Variants in APIP observed in about 807,000 individuals in gnomAD.
APIP encodes the protein methylthioribulose-1-phosphate dehydratase.
A neutral mutation model predicts 32.0 loss-of-function variants in APIP; 32 were observed. The ratio of observed to expected loss-of-function variants is 1.00; its 90% CI spans 0.76 to 1.34. APIP has a LOEUF of 1.34. Ranked by LOEUF, APIP falls within the 40% of genes most tolerant of loss-of-function variation. The pLI, the probability that APIP is intolerant of heterozygous loss-of-function variation, is 0.00. For missense variants in APIP, 247 were observed against 298.6 expected (o/e 0.83, Z 1.27); for synonymous variants, 92 against 94.8 (o/e 0.97, Z 0.17).
chr11:34,912,540 G>C (rs1011132663), intron 1 of APIP, among the ~76,000 whole-genome samples: 2 of 152,178 alleles, frequency 1.3e-5, no homozygotes, highest in African/African-American at 4.8e-5. Flanking sequence ...GCTGCCAAAG[G>C]AGGATTAACA....
At chr11:34,916,201 A>G in intron 1 of APIP, 27 bp downstream of exon 1, 1 of 1,602,642 alleles carries the variant, frequency 6.2e-7, no homozygotes, top group Non-Finnish European at 8.5e-7. Flanking sequence ...TCCTGGGAAT[A>G]CCGGGCACCG....
At chr11:34,911,607 T>C (rs558643790) in intron 1 of APIP, among the ~76,000 whole-genome samples, 1 of 152,354 alleles carries the variant, frequency 6.6e-6, no homozygotes, top group South Asian at 2.1e-4. Flanking sequence ...AGAGATTTCA[T>C]ATAAAATCTG....
chr11:34,910,265 C>T (rs775881846), intron 1 of APIP, among the ~76,000 whole-genome samples: 9 of 152,210 alleles, frequency 5.9e-5, no homozygotes, highest in South Asian at 2.1e-4. Flanking sequence ...AGGTCAACCA[C>T]GACCTTAAGT....
At chr11:34,908,440 C>T (rs1276575685) in intron 1 of APIP, among the ~76,000 whole-genome samples, 1 of 152,222 alleles carries the variant, frequency 6.6e-6, no homozygotes, top group African/African-American at 2.4e-5. Context: ...TCGTTTCATT[C>T]TGCACACTTG....
At position 34,888,440 on chromosome 11, in the gene APIP, A is replaced by C. The variant is rs992408482; in HGVS notation, c.326-12T>G. ...CACTGCACCTGCTCCTGAAGGAGGA[A>C]GAAGAAAGCCGCATGCTCAATGAAG... is the stretch of plus-strand genomic sequence containing the variant. On this transcript the variant is annotated splice_polypyrimidine_tract_variant and intron_variant, in intron 4 of 6. Coordinates refer to ENST00000395787, the MANE Select transcript of APIP (RefSeq NM_015957.4). 2 of 1,603,326 alleles carry C rather than the reference A, an allele frequency of 1.2e-6. No individual in the cohort carries two copies. The highest frequency in any genetic ancestry group is 2.7e-5 in the African/African-American group (2 of 74,394).
chr11:34,900,591 C>A (rs1190878048), intron 1 of APIP, among the ~76,000 whole-genome samples: 1 of 152,056 alleles, frequency 6.6e-6, no homozygotes, highest in Non-Finnish European at 1.5e-5. Context: ...TACGTCAGAC[C>A]CTCACTGAAG....
At chr11:34,902,373 G>A (rs1212297072) in intron 1 of APIP, among the ~76,000 whole-genome samples, 3 of 152,190 alleles carry the variant, frequency 2.0e-5, no homozygotes, top group Non-Finnish European at 2.9e-5. Context: ...CCCCAACTGA[G>A]GAAGCTTCTC....
intron 1 of APIP, among the ~76,000 whole-genome samples, chr11:34,900,121 A>G (rs569569743): frequency 2.6e-5 from 4 of 152,320 alleles, no homozygotes; most frequent in Non-Finnish European, 4.4e-5. Flanking sequence ...GATCTTTTCT[A>G]TAGACAGAAG....
chr11:34,909,118 T>C (rs981223069), intron 1 of APIP, among the ~76,000 whole-genome samples: 7 of 152,026 alleles, frequency 4.6e-5, no homozygotes, highest in Admixed American at 4.6e-4. Flanking sequence ...TGAAGATGCA[T>C]TTGGAAGATG....
intron 2 of APIP, among the ~76,000 whole-genome samples, chr11:34,893,210 C>G (rs927856640): frequency 1.4e-4 from 22 of 152,138 alleles, no homozygotes; most frequent in African/African-American, 5.3e-4. Flanking sequence ...CTAGAAAGAA[C>G]ATAGTCCTTT....
intron 1 of APIP, among the ~76,000 whole-genome samples, chr11:34,897,693 A>G (rs751516518): frequency 9.2e-5 from 14 of 152,152 alleles, no homozygotes; most frequent in South Asian, 2.1e-4. Context: ...TCCATCCAAT[A>G]TGGTGATTCC....
chr11:34,882,852 C>T (rs2288667), intron 6 of APIP, 36 bp from the exon 7 acceptor site: 938,390 of 1,407,628 alleles, frequency 0.67, 316,135 homozygotes, highest in East Asian at 0.73. Flanking sequence ...CAGTGTTTAT[C>T]GAAACAGAGT....
At chr11:34,896,320 C>T (rs1272564906) in intron 1 of APIP, among the ~76,000 whole-genome samples, 2 of 152,146 alleles carry the variant, frequency 1.3e-5, no homozygotes, top group Admixed American at 6.5e-5. Flanking sequence ...TTGGAACCAA[C>T]CCAAATACCC....
chr11:34,899,149 G>C (rs527407906), intron 1 of APIP, among the ~76,000 whole-genome samples: 1 of 152,144 alleles, frequency 6.6e-6, no homozygotes, highest in East Asian at 1.9e-4. Context: ...GATTACAGGC[G>C]TGAGCCACTG....
intron 1 of APIP, among the ~76,000 whole-genome samples, chr11:34,915,273 C>A (rs72930468): frequency 0.22 from 33,810 of 152,154 alleles, 4,923 homozygotes; most frequent in Non-Finnish European, 0.34. Flanking sequence ...GATCTTCTCT[C>A]TCTCATCCAA....
chr11:34,915,698 A>G (rs1763107134), intron 1 of APIP: 1 of 156,102 alleles, frequency 6.4e-6, no homozygotes, highest in South Asian at 1.9e-4. Flanking sequence ...AATCGTTCCC[A>G]TGATCATCCC....
At chr11:34,896,809 A>C (rs1853280460) in intron 1 of APIP, 1 of 1,288,428 alleles carries the variant, frequency 7.8e-7, no homozygotes, top group East Asian at 5.5e-5. Flanking sequence ...AAGGTATTGC[A>C]AAACTCTGGT....
At chr11:34,888,974 C>T (rs1215112792) in intron 3 of APIP, 105 bp from the exon 4 acceptor site, 5 of 562,608 alleles carry the variant, frequency 8.9e-6, no homozygotes, top group Non-Finnish European at 1.4e-5. Context: ...GAAAGTTTAT[C>T]TATAGTATAC....
chr11:34,882,946 G>A, intron 6 of APIP, 130 bp from the exon 7 acceptor site: 1 of 636,302 alleles, frequency 1.6e-6, no homozygotes, highest in Non-Finnish European at 2.6e-6. Flanking sequence ...TCAATTCTAG[G>A]CCAAAATTCT....
Sources: gnomAD v4.1 joint callset for allele counts (sites outside exome capture counted in the v4.1 genomes callset) on GRCh38, gnomAD v4.1.1 for gene constraint, MANE v1.5 for transcripts, NCBI Gene and HGNC (gene_info 2026-07-23, HGNC 2026-07-21) for gene names.